Variants in SGCG observed in about 807,000 individuals in gnomAD.
SGCG encodes sarcoglycan gamma, also known as gamma-sarcoglycan.
A neutral mutation model predicts 29.3 loss-of-function variants in SGCG; 26 were observed. The observed-to-expected ratio is 0.89, with a 90% CI of 0.65 to 1.23. The LOEUF (loss-of-function observed/expected upper bound fraction) is 1.23. SGCG is among the 50% of genes most tolerant of loss of function. The probability of loss-of-function intolerance (pLI) is 0.00; values close to 1 mark genes in which losing one functional copy is unlikely to be tolerated. For synonymous variants in SGCG, 145 were observed against 129.7 expected (o/e 1.12, Z -0.80); for missense variants, 353 against 356.0 (o/e 0.99, Z 0.07).
intron 5 of SGCG, among the ~76,000 whole-genome samples, chr13:23,289,149 A>G (rs1381757290): frequency 6.6e-6 from 1 of 152,244 alleles, no homozygotes; most frequent in Non-Finnish European, 1.5e-5. Context: ...TAGGAGTACC[A>G]TATCCTTCAA....
intron 5 of SGCG, among the ~76,000 whole-genome samples, chr13:23,285,190 C>G (rs2137627191): frequency 6.6e-6 from 1 of 152,338 alleles, no homozygotes; most frequent in East Asian, 1.9e-4. Flanking sequence ...ACATTTAAGT[C>G]TGCTGAAGCT....
intron 1 of SGCG, among the ~76,000 whole-genome samples, chr13:23,195,601 GCAGAGTTTGCCATTTTATTTTAAAAGT>G (rs1408607356): frequency 6.6e-6 from 1 of 151,872 alleles, no homozygotes; most frequent in Non-Finnish European, 1.5e-5. Flanking sequence ...TTTTAAAATG[GCAGAGTTTGCCATTTTATTTTAAAAGT>G]CAGTCCTATT....
At chr13:23,286,294 G>A (rs913940076) in intron 5 of SGCG, among the ~76,000 whole-genome samples, 3 of 152,232 alleles carry the variant, frequency 2.0e-5, no homozygotes, top group Non-Finnish European at 4.4e-5. Context: ...TGCAAAAGAT[G>A]TAGGGTTTAG....
At chr13:23,275,012 A>G (rs1221802288) in intron 4 of SGCG, among the ~76,000 whole-genome samples, 2 of 151,724 alleles carry the variant, frequency 1.3e-5, no homozygotes, top group Non-Finnish European at 2.9e-5. Context: ...AATAGGTTAT[A>G]CAATAAATTT....
At chr13:23,172,352 A>G in the SGCG span, among the ~76,000 whole-genome samples, 1 of 152,206 alleles carries the variant, frequency 6.6e-6, no homozygotes, top group Non-Finnish European at 1.5e-5. Context: ...ACATATCTCA[A>G]TATGTGTTGA....
intron 2 of SGCG, among the ~76,000 whole-genome samples, chr13:23,211,023 G>A (rs148405521): frequency 9.2e-5 from 14 of 152,258 alleles, no homozygotes; most frequent in African/African-American, 2.9e-4. Flanking sequence ...AAGAAATCTG[G>A]TAGGGATAGC....
intron 6 of SGCG, among the ~76,000 whole-genome samples, chr13:23,313,467 C>T (rs934367235): frequency 2.6e-5 from 4 of 152,112 alleles, no homozygotes; most frequent in Admixed American, 2.6e-4. Flanking sequence ...GCCTGGCCTT[C>T]TCTTTTTTTA....
At chr13:23,269,898 G>T (rs7989409) in intron 4 of SGCG, among the ~76,000 whole-genome samples, 2 of 140,034 alleles carry the variant, frequency 1.4e-5, no homozygotes, top group East Asian at 2.1e-4. Context: ...TTTTTGAGGC[G>T]GAGTCTCCCT....
At chr13:23,299,889 TTA>T (rs1205760436) in intron 6 of SGCG, among the ~76,000 whole-genome samples, 1 of 152,182 alleles carries the variant, frequency 6.6e-6, no homozygotes, top group Non-Finnish European at 1.5e-5. Flanking sequence ...ATTAAAGTGT[TTA>T]TGTGCCAGAT....
intron 6 of SGCG, among the ~76,000 whole-genome samples, chr13:23,310,227 C>T (rs1882527611): frequency 6.6e-6 from 1 of 151,834 alleles, no homozygotes; most frequent in East Asian, 1.9e-4. Context: ...GCTGGGACTA[C>T]AGGCGCCCGC....
At chr13:23,250,828 T>C (rs1380872607) in intron 4 of SGCG, 111 bp downstream of exon 4, 3 of 753,788 alleles carry the variant, frequency 4.0e-6, no homozygotes, top group Admixed American at 2.0e-5. Context: ...GAACAAAATA[T>C]GAATTTTCTA....
chr13:23,220,386 G>T (rs1030894096), intron 2 of SGCG, among the ~76,000 whole-genome samples: 1 of 152,104 alleles, frequency 6.6e-6, no homozygotes, highest in Non-Finnish European at 1.5e-5. Flanking sequence ...GGAGGAGGAG[G>T]TTGCGATGAG....
intron 1 of SGCG, among the ~76,000 whole-genome samples, chr13:23,196,310 G>T (rs527946461): frequency 1.1e-3 from 175 of 152,240 alleles, no homozygotes; most frequent in Non-Finnish European, 2.2e-3. Context: ...CTTTGGGTAA[G>T]TTACTAGAAT....
chr13:23,290,592 A>G (rs962676006), intron 5 of SGCG, among the ~76,000 whole-genome samples: 3 of 152,216 alleles, frequency 2.0e-5, no homozygotes, highest in Non-Finnish European at 2.9e-5. Context: ...AAGTGGTTAC[A>G]AAGTGAATAG....
chr13:23,216,838 C>T (rs1390880305), intron 2 of SGCG, among the ~76,000 whole-genome samples: 1 of 152,064 alleles, frequency 6.6e-6, no homozygotes, highest in African/African-American at 2.4e-5. Flanking sequence ...TACACTTACG[C>T]CAGTCATCCT....
chr13:23,210,588 G>A (rs530537400), intron 2 of SGCG, among the ~76,000 whole-genome samples: 2 of 152,234 alleles, frequency 1.3e-5, no homozygotes, highest in East Asian at 3.9e-4. Flanking sequence ...CTACTCGGGA[G>A]GCTGAAGCAA....
intron 5 of SGCG, among the ~76,000 whole-genome samples, chr13:23,294,468 A>G (rs1254606843): frequency 6.6e-6 from 1 of 152,072 alleles, no homozygotes; most frequent in Non-Finnish European, 1.5e-5. Context: ...CTTGCTCTCA[A>G]TCTCCATATG....
At chr13:23,264,590 C>T (rs1057353826) in intron 4 of SGCG, among the ~76,000 whole-genome samples, 2 of 151,950 alleles carry the variant, frequency 1.3e-5, no homozygotes, top group Non-Finnish European at 2.9e-5. Flanking sequence ...AAAATTCATA[C>T]GGAACCAAAA....
rs1883146645 is a variant in SGCG at position 23,324,225 on chromosome 13, C to T, written c.703-143C>T. The T allele has an allele frequency of 1.8e-5, 13 of 737,322 alleles. No individual in the cohort carries two copies. In the South Asian group the frequency reaches 1.8e-4, roughly 10 times the overall value. 45.7% of individuals were successfully genotyped at this position (737,322 alleles called of 1,614,324 possible). ...GGGCTTTAAAAGAATCGGATAATTA[C>T]GAAATGAGTTACATAAAGTCAGGTG... On this transcript the variant is annotated intron_variant, in intron 7 of 7. Coordinates refer to ENST00000218867, the MANE Select transcript of SGCG (RefSeq NM_000231.3).
Sources: gnomAD v4.1 joint callset for allele counts (sites outside exome capture counted in the v4.1 genomes callset) on GRCh38, gnomAD v4.1.1 for gene constraint, MANE v1.5 for transcripts, NCBI Gene and HGNC (gene_info 2026-07-23, HGNC 2026-07-21) for gene names.